The following ERP27 variants were observed in gnomAD, a reference collection of about 807,000 sequenced individuals.
ERP27 encodes the protein endoplasmic reticulum protein 27, also known as endoplasmic reticulum resident protein 27.
ERP27 carries 23 observed loss-of-function variants against 27.7 expected under a neutral mutation model. The ratio of observed to expected loss-of-function variants is 0.83; its 90% CI spans 0.60 to 1.18. The LOEUF is 1.18. Ranked by LOEUF, ERP27 falls within the 50% of genes most tolerant of loss-of-function variation. The probability of loss-of-function intolerance (pLI) is 0.00; values close to 1 mark genes in which losing one functional copy is unlikely to be tolerated. For synonymous variants in ERP27, 159 were observed against 118.3 expected (o/e 1.34, Z -2.23); for missense variants, 363 against 327.9 (o/e 1.11, Z -0.83).
chr12:14,936,715 A>T (rs1175417068), intron 2 of ERP27, among the ~76,000 whole-genome samples: 2 of 152,018 alleles, frequency 1.3e-5, no homozygotes, highest in East Asian at 3.9e-4. Flanking sequence ...ATGGTTTTTT[A>T]AGCGTCTGGC....
At chr12:14,935,759 G>T (rs1162518793) in intron 2 of ERP27, among the ~76,000 whole-genome samples, 1 of 152,158 alleles carries the variant, frequency 6.6e-6, no homozygotes, top group Admixed American at 6.6e-5. Flanking sequence ...ACAGAGTCTT[G>T]CTCTGTCACC....
intron 3 of ERP27, among the ~76,000 whole-genome samples, chr12:14,929,392 A>G (rs573945387): frequency 1.9e-4 from 29 of 152,350 alleles, no homozygotes; most frequent in Admixed American, 6.5e-4. Flanking sequence ...TTAAACTAAT[A>G]AACTCTGGAA....
At chr12:14,928,957 C>A (rs1201772009) in intron 3 of ERP27, 1 of 1,535,266 alleles carries the variant, frequency 6.5e-7, no homozygotes, top group Non-Finnish European at 8.7e-7. Context: ...GTATTTCCAG[C>A]TGGCAAGTCT....
intron 3 of ERP27, among the ~76,000 whole-genome samples, chr12:14,931,978 T>A (rs974547518): frequency 6.6e-6 from 1 of 152,190 alleles, no homozygotes; most frequent in Non-Finnish European, 1.5e-5. Flanking sequence ...TTTGATTTAA[T>A]CTTATTTCAC....
At chr12:14,928,866 C>A in intron 3 of ERP27, 2 of 1,434,768 alleles carry the variant, frequency 1.4e-6, no homozygotes, top group Middle Eastern at 1.7e-4. Context: ...CATATCAAGA[C>A]GAATGAGTAA....
intron 3 of ERP27, among the ~76,000 whole-genome samples, chr12:14,925,548 T>C (rs536949885): frequency 1.1e-4 from 16 of 152,276 alleles, no homozygotes; most frequent in African/African-American, 3.8e-4. Flanking sequence ...CTATTAGTTA[T>C]TTAGAAGTGT....
chr12:14,930,266 A>G (rs1159657418), intron 3 of ERP27, among the ~76,000 whole-genome samples: 2 of 152,200 alleles, frequency 1.3e-5, no homozygotes, highest in Non-Finnish European at 2.9e-5. Context: ...ATTCTCATGC[A>G]CGAGTTTCTT....
intron 4 of ERP27, among the ~76,000 whole-genome samples, chr12:14,917,684 C>G (rs551690081): frequency 6.6e-6 from 1 of 152,326 alleles, no homozygotes; most frequent in African/African-American, 2.4e-5. Context: ...TGGCCAGGAA[C>G]TAAGTCCTTC....
At chr12:14,918,713 A>G (rs1207330606) in intron 4 of ERP27, among the ~76,000 whole-genome samples, 1 of 152,302 alleles carries the variant, frequency 6.6e-6, no homozygotes, top group East Asian at 1.9e-4. Context: ...TTTTTACACA[A>G]GTTTGTAAAG....
intron 5 of ERP27, among the ~76,000 whole-genome samples, 188 bp downstream of exon 5, chr12:14,916,990 T>C (rs1323074671): frequency 6.6e-6 from 1 of 152,210 alleles, no homozygotes; most frequent in Non-Finnish European, 1.5e-5. Context: ...TAATTACATA[T>C]GCCTTTAATA....
chr12:14,918,344 A>G (rs1409212464), intron 4 of ERP27, among the ~76,000 whole-genome samples: 4 of 152,340 alleles, frequency 2.6e-5, no homozygotes, highest in African/African-American at 9.6e-5. Flanking sequence ...ACCAAAGGTC[A>G]GCAGAAGGTG....
rs1293578026 is a variant in ERP27 at position 14,934,248 on chromosome 12, T to C, written c.333+608A>G. On this transcript the variant is annotated intron_variant, in intron 3 of 6. Coordinates refer to ENST00000266397, the MANE Select transcript of ERP27 (RefSeq NM_152321.4). Reference sequence around the variant, plus strand: ...CTTCAAGTTTCAATTCTGTTGTCTTTTTCTTTTCTTTTTTTTCAGAATTCC... The same window carrying C: ...CTTCAAGTTTCAATTCTGTTGTCTTCTTCTTTTCTTTTTTTTCAGAATTCC... Among the ~76,000 whole-genome samples, 2 of 152,198 alleles carry C rather than the reference T, an allele frequency of 1.3e-5. 1 individual carries two copies. The highest frequency in any genetic ancestry group is 4.1e-4 in the South Asian group (2 of 4,832).
At chr12:14,935,688 A>C (rs563290597) in intron 2 of ERP27, among the ~76,000 whole-genome samples, 4 of 152,260 alleles carry the variant, frequency 2.6e-5, no homozygotes, top group South Asian at 4.1e-4. Context: ...CCCTGCCCTT[A>C]ACATACAAAG....
chr12:14,925,631 T>C (rs925606690), intron 3 of ERP27, among the ~76,000 whole-genome samples: 5 of 152,188 alleles, frequency 3.3e-5, no homozygotes, highest in Non-Finnish European at 5.9e-5. Context: ...TTATATTTTA[T>C]TTGTATTATT....
intron 3 of ERP27, among the ~76,000 whole-genome samples, chr12:14,932,891 T>C (rs749928745): frequency 6.6e-6 from 1 of 152,208 alleles, no homozygotes; most frequent in Admixed American, 6.5e-5. Context: ...AGGAATATGA[T>C]TAGCAGGTGC....
Position 14,914,380 on chromosome 12 carries a change from A to G in ERP27, c.*355T>C. The G allele has an allele frequency of 4.1e-6, 1 of 241,250 alleles. No individual in the cohort carries two copies. The highest frequency in any genetic ancestry group is 8.2e-5 in the East Asian group (1 of 12,144). 14.9% of individuals were successfully genotyped at this position (241,250 alleles called of 1,614,324 possible). On this transcript the variant is annotated 3_prime_UTR_variant, in exon 7 of 7. Coordinates refer to ENST00000266397, the MANE Select transcript of ERP27 (RefSeq NM_152321.4). ...AAATTGGAACAATCTTTCTCTAGGA[A>G]TGCCTCTCTTTCATAGAGGCATCAC...
At chr12:14,916,753 G>A (rs541296124) in intron 5 of ERP27, among the ~76,000 whole-genome samples, 3 of 152,210 alleles carry the variant, frequency 2.0e-5, no homozygotes, top group Admixed American at 2.0e-4. Context: ...CACAAAGGAG[G>A]GGAGGGAAAG....
At chr12:14,938,326 G>A in intron 1 of ERP27, 89 bp downstream of exon 1, 1 of 1,375,290 alleles carries the variant, frequency 7.3e-7, no homozygotes, top group Non-Finnish European at 1.0e-6. Context: ...TAGGTGTGGA[G>A]GAAAAGTACC....
At chr12:14,933,434 G>A (rs1401891955) in intron 3 of ERP27, among the ~76,000 whole-genome samples, 2 of 152,166 alleles carry the variant, frequency 1.3e-5, no homozygotes, top group Non-Finnish European at 2.9e-5. Flanking sequence ...GGTTCATTGA[G>A]TTTGGCAATA....
Sources: allele counts gnomAD v4.1 joint callset (sites outside exome capture counted in the v4.1 genomes callset), GRCh38; gene constraint gnomAD v4.1.1; transcripts MANE v1.5; gene names NCBI Gene and HGNC (gene_info 2026-07-23, HGNC 2026-07-21).